Variants in FAM13A observed in about 807,000 individuals in gnomAD.
FAM13A encodes the protein family with sequence similarity 13 member A.
A neutral mutation model predicts 129.6 loss-of-function variants in FAM13A; 76 were observed. The ratio of observed to expected loss-of-function variants is 0.59; its 90% CI spans 0.49 to 0.71. The LOEUF is 0.71. FAM13A is among the 30% of genes least tolerant of loss of function. The probability of loss-of-function intolerance (pLI) is 0.00; values close to 1 mark genes in which losing one functional copy is unlikely to be tolerated. For missense variants in FAM13A, 1,108 were observed against 1,249.3 expected, an observed-to-expected ratio of 0.89 and a Z score of 1.70; for synonymous variants, 443 against 449.9, an observed-to-expected ratio of 0.98 and a Z score of 0.20.
Position 88,899,068 on chromosome 4 carries a change from G to A in FAM13A, c.843+7311C>T, listed in dbSNP as rs951003337. ...AGTAAAGAAACTGTGGTGTGTGTGTGTGTCTGTGTGTATGTGTGTGTATGT... is the reference window on the plus strand; with the variant it reads ...AGTAAAGAAACTGTGGTGTGTGTGTATGTCTGTGTGTATGTGTGTGTATGT... On this transcript the variant is annotated intron_variant, in intron 6 of 23. Coordinates refer to ENST00000264344, the MANE Select transcript of FAM13A (RefSeq NM_014883.4). Among the ~76,000 whole-genome samples the A allele has an allele frequency of 2.0e-5, 3 of 151,764 alleles. No individual in the cohort carries two copies. The East Asian group carries it at 5.8e-4, about 29-fold the overall frequency.
chr4:88,823,251 C>CT lies in FAM13A; in HGVS notation c.1008-18200dup, dbSNP rs1732392956. 3 of 1,292,994 alleles carry CT rather than the reference C, an allele frequency of 2.3e-6. No individual in the cohort carries two copies. In the African/African-American group the frequency reaches 4.6e-5, roughly 20 times the overall value. 80.1% of individuals were successfully genotyped at this position (1,292,994 alleles called of 1,614,324 possible). On this transcript the variant is annotated intron_variant, in intron 7 of 23. Coordinates refer to ENST00000264344, the MANE Select transcript of FAM13A (RefSeq NM_014883.4). ...CATTTACACTGCAGTCCACTTTGAC[C>CT]TTTTGTTCCAGGGAAGCAGCTGAAC...
chr4:88,928,622 G>A (rs552539536), intron 5 of FAM13A, among the ~76,000 whole-genome samples: 2 of 152,024 alleles, frequency 1.3e-5, no homozygotes, highest in African/African-American at 2.4e-5. Context: ...AGCTACTCCT[G>A]CTTGGTTTTG....
rs559779604 is a variant in FAM13A at position 88,947,543 on chromosome 4, C to A, written c.606-9302G>T. Among the ~76,000 whole-genome samples, 87 of 152,294 alleles carry A rather than the reference C, an allele frequency of 5.7e-4. No individual in the cohort carries two copies. The South Asian group carries it at 8.1e-3, about 14-fold the overall frequency. Reference sequence around the variant, plus strand: ...CCTAATTTCCGAAACAGGCCAGTTTCAATTGGCATAATAATAAATTTCTGT... The same window carrying A: ...CCTAATTTCCGAAACAGGCCAGTTTAAATTGGCATAATAATAAATTTCTGT... On this transcript the variant is annotated intron_variant, in intron 4 of 23. Transcript: ENST00000264344.
At chr4:88,860,402 C>T (rs576036776) in intron 6 of FAM13A, among the ~76,000 whole-genome samples, 3 of 152,188 alleles carry the variant, frequency 2.0e-5, no homozygotes, top group Non-Finnish European at 4.4e-5. Context: ...TTCTGGAAAA[C>T]GTCTAGAAAT....
At chr4:88,833,539 G>T (rs1173015121) in intron 7 of FAM13A, among the ~76,000 whole-genome samples, 3 of 152,044 alleles carry the variant, frequency 2.0e-5, no homozygotes, top group Non-Finnish European at 4.4e-5. Flanking sequence ...CATTTTAGAT[G>T]ATCTGATTTA....
chr4:88,909,486 GT>G (rs2150245931), intron 5 of FAM13A, among the ~76,000 whole-genome samples: 1 of 151,708 alleles, frequency 6.6e-6, no homozygotes, highest in Non-Finnish European at 1.5e-5. Flanking sequence ...TGTACATGAG[GT>G]TTTTTATTTT....
At chr4:88,987,845 A>AAAACAAAC (rs1762443240) in intron 4 of FAM13A, among the ~76,000 whole-genome samples, 2 of 150,808 alleles carry the variant, frequency 1.3e-5, no homozygotes, top group South Asian at 4.2e-4. Flanking sequence ...TCTCAAAAAA[A>AAAACAAAC]AAAAAAAAAA....
chr4:88,953,276 G>A (rs951281841), intron 4 of FAM13A, among the ~76,000 whole-genome samples: 7 of 151,946 alleles, frequency 4.6e-5, no homozygotes, highest in South Asian at 2.1e-4. Flanking sequence ...CCAACATGGT[G>A]AAACCCCGTC....
chr4:88,960,580 G>C (rs1758452590), intron 4 of FAM13A, among the ~76,000 whole-genome samples: 1 of 152,200 alleles, frequency 6.6e-6, no homozygotes. Flanking sequence ...AACCTCATTT[G>C]AAGTATTAAG....
chr4:88,913,662 C>T lies in FAM13A; in HGVS notation c.760-7200G>A, dbSNP rs367569628. On this transcript the variant is annotated intron_variant, in intron 5 of 23. Transcript: ENST00000264344. ...AGAGAATTGCCTGGTATAGCAGGAA[C>T]TCAATAAATGTGTGTTGAATAAATG... is the stretch of plus-strand genomic sequence containing the variant. 3.6e-4 allele frequency among the ~76,000 whole-genome samples: 55 copies of T among 152,326 alleles called. 1 individual carries two copies. The South Asian group carries it at 0.011, about 30-fold the overall frequency.
intron 4 of FAM13A, among the ~76,000 whole-genome samples, chr4:88,956,852 T>A (rs1223849149): frequency 6.6e-6 from 1 of 152,196 alleles, no homozygotes; most frequent in Non-Finnish European, 1.5e-5. Context: ...ATATTGAGCT[T>A]ATAATACAGT....
At chr4:88,736,232 A>C (rs990186015) in intron 21 of FAM13A, 4 of 152,246 alleles carry the variant, frequency 2.6e-5, no homozygotes, top group Admixed American at 2.6e-4. Flanking sequence ...TCATAAAACA[A>C]GTTCTACTTA....
chr4:88,904,730 T>C (rs1747863577), intron 6 of FAM13A, among the ~76,000 whole-genome samples: 1 of 152,162 alleles, frequency 6.6e-6, no homozygotes, highest in Non-Finnish European at 1.5e-5. Context: ...CCTTTACCTA[T>C]GTAACAACTC....
At chr4:88,800,413 G>A (rs1436486711) in intron 8 of FAM13A, among the ~76,000 whole-genome samples, 3 of 152,012 alleles carry the variant, frequency 2.0e-5, no homozygotes, top group Non-Finnish European at 2.9e-5. Context: ...GGCCAGGCGC[G>A]GTGGCTCGCA....
At chr4:88,812,189 T>C (rs1014248235) in intron 7 of FAM13A, among the ~76,000 whole-genome samples, 6 of 152,172 alleles carry the variant, frequency 3.9e-5, no homozygotes, top group African/African-American at 1.4e-4. Context: ...CAGCCCATGG[T>C]ATTCTGTTTT....
At chr4:88,937,939 G>T in intron 5 of FAM13A, 149 bp downstream of exon 5, 2 of 602,014 alleles carry the variant, frequency 3.3e-6, no homozygotes, top group South Asian at 2.2e-5. Flanking sequence ...TAAGCATTTG[G>T]AATAATAGAT....
At chr4:89,027,320 C>T (rs977018927) in intron 2 of FAM13A, among the ~76,000 whole-genome samples, 2 of 152,092 alleles carry the variant, frequency 1.3e-5, no homozygotes, top group African/African-American at 4.8e-5. Flanking sequence ...CCAGCCTGGA[C>T]AACATGGCGA....
At chr4:88,958,992 C>T (rs906448543) in intron 4 of FAM13A, among the ~76,000 whole-genome samples, 13 of 152,236 alleles carry the variant, frequency 8.5e-5, no homozygotes, top group African/African-American at 2.7e-4. Context: ...AATTTAATGA[C>T]TGCCCTGCTG....
chr4:88,961,502 G>A (rs996231122), intron 4 of FAM13A, among the ~76,000 whole-genome samples: 1 of 151,612 alleles, frequency 6.6e-6, no homozygotes, highest in Admixed American at 6.6e-5. Context: ...CAAGCAGCTA[G>A]GACTACAGGC....
Sources: gnomAD v4.1 joint callset for allele counts (sites outside exome capture counted in the v4.1 genomes callset) on GRCh38, gnomAD v4.1.1 for gene constraint, MANE v1.5 for transcripts, NCBI Gene and HGNC (gene_info 2026-07-23, HGNC 2026-07-21) for gene names.